UBE2B: variants seen among roughly 807,000 people sequenced by gnomAD.
UBE2B encodes the protein ubiquitin-conjugating enzyme E2 B.
A neutral mutation model predicts 24.6 loss-of-function variants in UBE2B; 11 were observed. That is an observed-to-expected ratio of 0.45 (90% CI 0.28 to 0.74). The LOEUF is 0.74. Among genes scored for constraint, UBE2B ranks in the 30% least tolerant of loss-of-function variants. The pLI is 0.13. For synonymous variants in UBE2B, 68 were observed against 62.4 expected (o/e 1.09, Z -0.42); for missense variants, 78 against 185.6 (o/e 0.42, Z 3.37).
chr5:134,372,993 C>T (rs1758514660), intron 1 of UBE2B, among the ~76,000 whole-genome samples: 1 of 152,098 alleles, frequency 6.6e-6, no homozygotes. Context: ...TCATTGTCGC[C>T]CTGGCTCCTT....
chr5:134,376,348 A>AAAATATATAT (rs1554114145), intron 2 of UBE2B, among the ~76,000 whole-genome samples: 2 of 4,776 alleles, frequency 4.2e-4, no homozygotes, highest in African/African-American at 8.9e-4. Flanking sequence ...AAAAAAAAAA[A>AAAATATATAT]ATATATATAT....
intron 4 of UBE2B, among the ~76,000 whole-genome samples, chr5:134,387,784 ATTTT>A (rs975391326): frequency 6.6e-6 from 1 of 151,668 alleles, no homozygotes; most frequent in African/African-American, 2.4e-5. Context: ...ATGGCAATTA[ATTTT>A]TTTTTATTTA....
intron 4 of UBE2B, among the ~76,000 whole-genome samples, chr5:134,387,278 T>C (rs779375012): frequency 6.6e-6 from 1 of 152,174 alleles, no homozygotes; most frequent in African/African-American, 2.4e-5. Context: ...ATAAGTAGTA[T>C]TATAGTGAAC....
chr5:134,376,610 A>G, intron 2 of UBE2B, 59 bp from the exon 3 acceptor site: 1 of 1,574,432 alleles, frequency 6.4e-7, no homozygotes, highest in South Asian at 1.1e-5. Context: ...TCCATTCTTG[A>G]AAATCAAGAA....
At chr5:134,371,664 A>C in intron 1 of UBE2B, 25 bp downstream of exon 1, 2 of 1,612,998 alleles carry the variant, frequency 1.2e-6, no homozygotes, top group South Asian at 1.1e-5. Flanking sequence ...CTTCGCCTAG[A>C]TGACGGCCCC....
At chr5:134,386,378 C>A (rs1478994042) in intron 4 of UBE2B, among the ~76,000 whole-genome samples, 6 of 151,420 alleles carry the variant, frequency 4.0e-5, no homozygotes, top group Non-Finnish European at 7.4e-5. Flanking sequence ...GCTTGTAATC[C>A]CAGCACTTTG....
intron 4 of UBE2B, among the ~76,000 whole-genome samples, chr5:134,386,848 T>A (rs1758812741): frequency 6.6e-6 from 1 of 152,186 alleles, no homozygotes; most frequent in South Asian, 2.1e-4. Flanking sequence ...CTATAAACAG[T>A]AGATATGTAT....
intron 4 of UBE2B, among the ~76,000 whole-genome samples, chr5:134,385,077 G>A (rs1318688157): frequency 6.6e-6 from 1 of 152,176 alleles, no homozygotes; most frequent in Non-Finnish European, 1.5e-5. Context: ...TGGATATTCT[G>A]TATTTTGTTC....
chr5:134,371,809 C>T (rs1259020484), intron 1 of UBE2B, among the ~76,000 whole-genome samples, 170 bp downstream of exon 1: 1 of 152,190 alleles, frequency 6.6e-6, no homozygotes, highest in African/African-American at 2.4e-5. Flanking sequence ...AGCTTTGCCG[C>T]TCGTTCTGGC....
At chr5:134,380,678 T>A in intron 3 of UBE2B, 41 bp from the exon 4 acceptor site, 1 of 1,175,902 alleles carries the variant, frequency 8.5e-7, no homozygotes, top group East Asian at 2.4e-5. Context: ...GATTAAAAAG[T>A]CGTGCTTGTC....
chr5:134,390,628 G>A lies in UBE2B; in HGVS notation c.*275G>A. On this transcript the variant is annotated 3_prime_UTR_variant, in exon 6 of 6. Transcript: ENST00000265339. The surrounding 1 kb of genome is among the most constrained non-coding windows in gnomAD (Gnocchi z 4.6). ...ATGTTGGTGTGGAGTTTTCATGACA[G>A]AATATACACATTTTGTAAATCTGTA... The A allele has an allele frequency of 3.2e-6, 1 of 310,042 alleles. No homozygotes were observed. Among genetic ancestry groups the A allele is most frequent in the Non-Finnish European group, 6.1e-6 (1 of 163,952 alleles). 19.2% of individuals were successfully genotyped at this position (310,042 alleles called of 1,614,324 possible).
rs373780934 is a variant in UBE2B, at chr5:134,371,577, C to G, written c.-19C>G. Reference sequence around the variant, plus strand: ...GGGACTTTTTTTTTTTCAGACTGACCGCGGGGCAGCTGCGGAGCATGTCGA... The same window carrying G: ...GGGACTTTTTTTTTTTCAGACTGACGGCGGGGCAGCTGCGGAGCATGTCGA... On this transcript the variant is annotated 5_prime_UTR_variant, in exon 1 of 6. Transcript: ENST00000265339. 5.6e-6 allele frequency: 9 copies of G among 1,611,888 alleles called. No individual in the cohort carries two copies. Among genetic ancestry groups the G allele is most frequent in the African/African-American group, 5.3e-5 (4 of 74,852 alleles).
In UBE2B at chr5:134,377,203, T is replaced by C. The variant is rs1172956885; in HGVS notation, c.151+509T>C. Among the ~76,000 whole-genome samples the C allele has an allele frequency of 3.3e-5, 5 of 152,240 alleles. No individual in the cohort carries two copies. The East Asian group carries it at 9.6e-4, about 29-fold the overall frequency. ...GGCTAGGAAAATGGGAAACTAGTTC[T>C]AATACCGAATTTATAATTGAACTTA... On this transcript the variant is annotated intron_variant, in intron 3 of 5. Transcript: ENST00000265339.
intron 2 of UBE2B, among the ~76,000 whole-genome samples, chr5:134,376,348 A>AAAATATATATATATATAT (rs1554114145): frequency 2.1e-4 from 1 of 4,774 alleles, no homozygotes; most frequent in Non-Finnish European, 5.5e-4. Flanking sequence ...AAAAAAAAAA[A>AAAATATATATATATATAT]ATATATATAT....
chr5:134,371,633 T>G lies in UBE2B; in HGVS notation c.38T>G (p.Phe13Cys). 6.2e-7 allele frequency: 1 copy of G among 1,613,112 alleles called. No homozygotes were observed. Among genetic ancestry groups the G allele is most frequent in the Non-Finnish European group, 8.5e-7 (1 of 1,179,818 alleles). The change falls in exon 1 of 6, where the codon TTC becomes TGC. Residue 13 changes from phenylalanine (F) to cysteine (C), a missense_variant. This residue lies in a region of UBE2B where 21 missense variants were observed against 17.9 expected (regional missense o/e 1.17). Transcript: ENST00000265339. ...TPARRRLMRD[F>C]KRLQEDPPVG... ...GCCCGGAGGAGGCTCATGCGGGATTTCAAGCGGTAAGGGCCTTCACCTTCG... is the reference window on the plus strand; with the variant it reads ...GCCCGGAGGAGGCTCATGCGGGATTGCAAGCGGTAAGGGCCTTCACCTTCG...
intron 3 of UBE2B, among the ~76,000 whole-genome samples, chr5:134,377,782 G>A (rs1406447953): frequency 6.6e-6 from 1 of 152,158 alleles, no homozygotes; most frequent in Non-Finnish European, 1.5e-5. Context: ...TGCATTGATG[G>A]TACAAAACCA....
At chr5:134,388,935 CTTCT>C in intron 5 of UBE2B, 1 of 316,016 alleles carries the variant, frequency 3.2e-6, no homozygotes. Flanking sequence ...TTCTCTCACA[CTTCT>C]TTAATTGTTT....
intron 4 of UBE2B, chr5:134,388,044 C>T (rs1283817059): frequency 7.3e-6 from 3 of 410,076 alleles, no homozygotes; most frequent in African/African-American, 6.1e-5. Context: ...CTCAAGCAAT[C>T]CTGCCTGCCT....
In UBE2B at chr5:134,383,473, C is replaced by CTTTTTT. The variant is rs747399191; in HGVS notation, c.241+2687_241+2692dup. 1.3e-3 allele frequency among the ~76,000 whole-genome samples: 102 copies of CTTTTTT among 80,036 alleles called. 12 individuals carry two copies. Among genetic ancestry groups the CTTTTTT allele is most frequent in the African/African-American group, 5.5e-3 (101 of 18,432 alleles). 52.5% of individuals were successfully genotyped at this position (80,036 alleles called of 152,430 possible). On this transcript the variant is annotated intron_variant, in intron 4 of 5. Transcript: ENST00000265339. ...TGCAGATGTGTGCCACCATACCCAG[C>CTTTTTT]TTTTTTTTTTTTTTTTTTTTTTTTT... is the stretch of plus-strand genomic sequence containing the variant.
Sources: allele counts gnomAD v4.1 joint callset (sites outside exome capture counted in the v4.1 genomes callset), GRCh38; gene constraint gnomAD v4.1.1; regional missense constraint gnomAD v4.1.1; non-coding constraint Gnocchi (gnomAD v3.1); transcripts MANE v1.5; gene names NCBI Gene and HGNC (gene_info 2026-07-23, HGNC 2026-07-21).